Variants in NFATC3 observed in about 807,000 individuals in gnomAD.
NFATC3 encodes the protein nuclear factor of activated T cells 3, also known as nuclear factor of activated T-cells, cytoplasmic 3.
A neutral mutation model predicts 98.6 loss-of-function variants in NFATC3; 46 were observed. The observed-to-expected ratio is 0.47, with a 90% CI of 0.37 to 0.60. NFATC3 has a LOEUF of 0.60. Ranked by LOEUF, NFATC3 falls within the 20% of genes least tolerant of loss-of-function variation. The probability of loss-of-function intolerance (pLI) is 0.00; values close to 1 mark genes in which losing one functional copy is unlikely to be tolerated. For synonymous variants in NFATC3, 512 were observed against 472.2 expected (o/e 1.08, Z -1.09); for missense variants, 1,256 against 1,295.5 (o/e 0.97, Z 0.47).
intron 1 of NFATC3, among the ~76,000 whole-genome samples, chr16:68,117,597 T>A (rs2151493094): frequency 6.6e-6 from 1 of 152,290 alleles, no homozygotes; most frequent in East Asian, 1.9e-4. Context: ...AACCTCCGAA[T>A]CTCAGGCTCA....
chr16:68,180,040 G>A (rs61513433), intron 6 of NFATC3, among the ~76,000 whole-genome samples: 1,995 of 152,268 alleles, frequency 0.013, 43 homozygotes, highest in African/African-American at 0.045. Flanking sequence ...CAGCATTTCC[G>A]TGTACGGTGG....
At chr16:68,167,807 G>GTTTTTTTTTTTTTTTTT (rs1263970399) in intron 5 of NFATC3, among the ~76,000 whole-genome samples, 1 of 23,586 alleles carries the variant, frequency 4.2e-5, no homozygotes, top group South Asian at 1.5e-3. Context: ...AACCGTATGT[G>GTTTTTTTTTTTTTTTTT]TTCTTTTTTT....
rs68079157 is a variant in NFATC3 at position 68,217,464 on chromosome 16, CAAAAA to C, written c.3107-8864_3107-8860del. ...ACAGAGCAAGATCTAGTCTCTGTCT[CAAAAA>C]AAAAAAAAAAAAAAAAAAAAATCTG... On this transcript the variant is annotated intron_variant, in intron 9 of 9. Transcript: ENST00000346183. Among the ~76,000 whole-genome samples the C allele has an allele frequency of 2.7e-4, 12 of 44,960 alleles. No individual in the cohort carries two copies. The East Asian group carries it at 3.1e-3, about 12-fold the overall frequency. The allele number at this position is 44,960 out of a possible 152,430, so 29.5% of individuals were successfully genotyped here.
intron 9 of NFATC3, among the ~76,000 whole-genome samples, chr16:68,213,071 T>G (rs1298131868): frequency 6.7e-6 from 1 of 149,080 alleles, no homozygotes; most frequent in Non-Finnish European, 1.5e-5. Context: ...AGTGCTGGGA[T>G]TACAGGTGTG....
intron 4 of NFATC3, among the ~76,000 whole-genome samples, chr16:68,160,581 G>A (rs1446832839): frequency 6.6e-6 from 1 of 152,046 alleles, no homozygotes; most frequent in Non-Finnish European, 1.5e-5. Context: ...TGCCTGCTTT[G>A]GTTCAGATGG....
chr16:68,182,410 T>C (rs1400117562), intron 7 of NFATC3, among the ~76,000 whole-genome samples: 1 of 152,220 alleles, frequency 6.6e-6, no homozygotes, highest in East Asian at 1.9e-4. Context: ...AGGATTGTAT[T>C]TGGTTTGGGG....
intron 1 of NFATC3, among the ~76,000 whole-genome samples, chr16:68,108,938 T>C (rs2035805143): frequency 6.6e-6 from 1 of 152,206 alleles, no homozygotes; most frequent in Non-Finnish European, 1.5e-5. Context: ...ATCCTGAGAC[T>C]TTGCTGAAGT....
At chr16:68,193,086 C>T (rs956893217) in intron 9 of NFATC3, among the ~76,000 whole-genome samples, 2 of 149,282 alleles carry the variant, frequency 1.3e-5, no homozygotes, top group Non-Finnish European at 1.5e-5. Flanking sequence ...TACAAACAGA[C>T]TTTTTTTTTT....
intron 5 of NFATC3, among the ~76,000 whole-genome samples, chr16:68,173,243 G>A (rs2039546563): frequency 6.6e-6 from 1 of 151,634 alleles, no homozygotes; most frequent in African/African-American, 2.4e-5. Context: ...AATAACCTGG[G>A]CAACAGAGCA....
intron 9 of NFATC3, among the ~76,000 whole-genome samples, chr16:68,220,505 G>T (rs964985912): frequency 1.3e-5 from 2 of 151,472 alleles, no homozygotes; most frequent in Non-Finnish European, 2.9e-5. Context: ...TACATTAGGG[G>T]CATAAACAAT....
chr16:68,182,305 C>T (rs1024863103), intron 7 of NFATC3, among the ~76,000 whole-genome samples: 4 of 152,006 alleles, frequency 2.6e-5, no homozygotes, highest in African/African-American at 9.7e-5. Context: ...AAGTTTTGGT[C>T]TTGTTATGGT....
rs765218221 is a variant in NFATC3 at position 68,221,177 on chromosome 16, C to G, written c.3107-5173C>G. Reference sequence around the variant, plus strand: ...GCTTATCAAGATTGCTAATGACTTACATTTACATTACATCATAGATTTGTT... The same window carrying G: ...GCTTATCAAGATTGCTAATGACTTAGATTTACATTACATCATAGATTTGTT... On this transcript the variant is annotated intron_variant, in intron 9 of 9. Coordinates refer to ENST00000346183, the MANE Select transcript of NFATC3 (RefSeq NM_173165.3). The G allele has an allele frequency of 4.3e-6, 7 of 1,612,172 alleles. No homozygotes were observed. In the South Asian group the frequency reaches 7.7e-5, roughly 18 times the overall value.
intron 5 of NFATC3, among the ~76,000 whole-genome samples, chr16:68,171,588 T>C (rs2039463579): frequency 6.6e-6 from 1 of 151,554 alleles, no homozygotes; most frequent in South Asian, 2.1e-4. Context: ...ATTCTCCTGC[T>C]TCAGCCTCCC....
chr16:68,087,776 T>A (rs1401180576), intron 1 of NFATC3, among the ~76,000 whole-genome samples: 2 of 152,226 alleles, frequency 1.3e-5, no homozygotes, highest in African/African-American at 4.8e-5. Flanking sequence ...CTCTTCTAGA[T>A]ATTTTATATA....
intron 9 of NFATC3, among the ~76,000 whole-genome samples, chr16:68,205,787 G>C (rs919263778): frequency 6.6e-6 from 1 of 151,988 alleles, no homozygotes; most frequent in African/African-American, 2.4e-5. Context: ...AATCTTGAGA[G>C]ATTATTCTAT....
intron 1 of NFATC3, among the ~76,000 whole-genome samples, chr16:68,093,675 T>C (rs2034852510): frequency 6.6e-6 from 1 of 152,258 alleles, no homozygotes; most frequent in East Asian, 1.9e-4. Flanking sequence ...TATCTCATGA[T>C]AACCTAGAGA....
At position 68,191,941 on chromosome 16, in the gene NFATC3, G is replaced by A. The variant is rs1254417803; in HGVS notation, c.3106+166G>A. ...AATATATAACTTTGCCAGGTACCAC[G>A]GCTCACGCCTGTATCCCAGCACTTT... On this transcript the variant is annotated intron_variant, in intron 9 of 9. Coordinates refer to ENST00000346183, the MANE Select transcript of NFATC3 (RefSeq NM_173165.3). 4.3e-5 allele frequency: 31 copies of A among 726,888 alleles called. No individual in the cohort carries two copies. In the East Asian group the frequency reaches 6.2e-4, roughly 15 times the overall value. The allele number at this position is 726,888 out of a possible 1,614,324, so 45.0% of individuals were successfully genotyped here. A position where few individuals can be genotyped will look rare whatever the true frequency, so the allele number is the denominator to read the frequency against.
chr16:68,138,027 C>G (rs2037533843), intron 3 of NFATC3, among the ~76,000 whole-genome samples: 1 of 151,972 alleles, frequency 6.6e-6, no homozygotes. Context: ...CTTTCTCTTA[C>G]TTTAAAAAAA....
intron 9 of NFATC3, among the ~76,000 whole-genome samples, chr16:68,196,705 A>G (rs1387730982): frequency 6.6e-6 from 1 of 152,036 alleles, no homozygotes. Context: ...CAAAAAAGAA[A>G]AAAAAACAAC....
Sources: gnomAD v4.1 joint callset for allele counts (sites outside exome capture counted in the v4.1 genomes callset) on GRCh38, gnomAD v4.1.1 for gene constraint, MANE v1.5 for transcripts, NCBI Gene and HGNC (gene_info 2026-07-23, HGNC 2026-07-21) for gene names.